RGS7: variants seen among roughly 807,000 people sequenced by gnomAD.
RGS7 encodes regulator of G-protein signaling 7.
RGS7 carries 27 observed loss-of-function variants against 81.1 expected under a neutral mutation model. The observed-to-expected ratio is 0.33, with a 90% confidence interval of 0.25 to 0.46. RGS7 has a LOEUF of 0.46. Ranked by LOEUF, RGS7 falls within the 20% of genes least tolerant of loss-of-function variation. The pLI is 1.00. For missense variants in RGS7, 396 were observed against 607.4 expected, an observed-to-expected ratio of 0.65 and a Z score of 3.66; for synonymous variants, 208 against 207.7, an observed-to-expected ratio of 1.00 and a Z score of -0.01.
chr1:240,856,892 T>C (rs530222590), intron 9 of RGS7, among the ~76,000 whole-genome samples: 1 of 152,292 alleles, frequency 6.6e-6, no homozygotes, highest in African/African-American at 2.4e-5. Context: ...TCTTTTTAAA[T>C]CACATTGATC....
At chr1:241,236,918 TC>T (rs1277310101) in intron 2 of RGS7, among the ~76,000 whole-genome samples, 1 of 152,178 alleles carries the variant, frequency 6.6e-6, no homozygotes, top group African/African-American at 2.4e-5. Context: ...AGTAAAGCAA[TC>T]TTCTTTCTTC....
intron 9 of RGS7, among the ~76,000 whole-genome samples, chr1:240,852,936 A>G (rs1660373631): frequency 6.6e-6 from 1 of 152,240 alleles, no homozygotes; most frequent in Admixed American, 6.5e-5. Context: ...CTGGATCACA[A>G]CCAACATTGT....
At chr1:240,941,815 C>T (rs1236958662) in intron 4 of RGS7, among the ~76,000 whole-genome samples, 3 of 151,186 alleles carry the variant, frequency 2.0e-5, no homozygotes, top group African/African-American at 2.4e-5. Context: ...AATCTTGGAA[C>T]AAAGTGTTGA....
intron 5 of RGS7, among the ~76,000 whole-genome samples, chr1:240,933,100 T>A (rs909438446): frequency 8.0e-5 from 12 of 150,018 alleles, no homozygotes; most frequent in African/African-American, 1.5e-4. Flanking sequence ...GCCAGGATGG[T>A]CTCCATCTCC....
chr1:241,039,175 A>G (rs550687311), intron 3 of RGS7, among the ~76,000 whole-genome samples: 10 of 152,180 alleles, frequency 6.6e-5, no homozygotes, highest in Admixed American at 6.5e-4. Flanking sequence ...GCCCAGCAAG[A>G]ATCTGTAGTT....
At chr1:241,262,160 C>T (rs753537426) in intron 2 of RGS7, among the ~76,000 whole-genome samples, 46 of 152,218 alleles carry the variant, frequency 3.0e-4, no homozygotes, top group East Asian at 3.9e-4. Context: ...AAGGTCTTGG[C>T]GATTCACAGT....
Position 240,822,018 on chromosome 1 carries a change from T to C in RGS7, c.684+5080A>G, listed in dbSNP as rs140160415. On this transcript the variant is annotated intron_variant, in intron 10 of 18. Coordinates refer to ENST00000440928, the MANE Select transcript of RGS7 (RefSeq NM_001364886.1). ...TTGTGTCAACTTGGCTGGCTCATAG[T>C]ACTCAGATATGTGGACAAACATTAC... Among the ~76,000 whole-genome samples the C allele has an allele frequency of 2.3e-3, 356 of 152,318 alleles. 4 individuals carry two copies. The highest frequency in any genetic ancestry group is 6.0e-3 in the Admixed American group (92 of 15,298).
intron 9 of RGS7, among the ~76,000 whole-genome samples, chr1:240,837,328 C>G (rs184751283): frequency 6.6e-6 from 1 of 152,184 alleles, no homozygotes; most frequent in African/African-American, 2.4e-5. Context: ...TATTTCCCTA[C>G]AAAAAGCTGG....
intron 4 of RGS7, among the ~76,000 whole-genome samples, chr1:240,945,112 C>G (rs1372362746): frequency 6.6e-6 from 1 of 152,220 alleles, no homozygotes; most frequent in Non-Finnish European, 1.5e-5. Context: ...AAAACACTAG[C>G]TAGAAGTTGT....
At chr1:240,963,356 G>A (rs1044726474) in intron 4 of RGS7, among the ~76,000 whole-genome samples, 2 of 152,120 alleles carry the variant, frequency 1.3e-5, no homozygotes, top group Non-Finnish European at 2.9e-5. Context: ...TACCAACAAT[G>A]GGCAAAATAA....
At chr1:240,932,925 C>A (rs563770474) in intron 5 of RGS7, among the ~76,000 whole-genome samples, 8 of 137,932 alleles carry the variant, frequency 5.8e-5, no homozygotes, top group Non-Finnish European at 1.1e-4. Flanking sequence ...GCTCTGTCGC[C>A]CAGGCTGGAC....
At chr1:241,329,488 T>C (rs1375365636) in intron 2 of RGS7, among the ~76,000 whole-genome samples, 4 of 152,118 alleles carry the variant, frequency 2.6e-5, no homozygotes, top group Non-Finnish European at 5.9e-5. Context: ...AATATTAATA[T>C]TGATGGTAAT....
intron 2 of RGS7, among the ~76,000 whole-genome samples, chr1:241,172,569 A>C (rs1353562876): frequency 6.6e-6 from 1 of 152,324 alleles, no homozygotes; most frequent in Admixed American, 6.5e-5. Context: ...AATTGGCCTC[A>C]CATTAGAAAG....
At chr1:240,860,095 G>T (rs1276213099) in intron 9 of RGS7, among the ~76,000 whole-genome samples, 1 of 152,092 alleles carries the variant, frequency 6.6e-6, no homozygotes, top group Non-Finnish European at 1.5e-5. Context: ...AATTTGTTAA[G>T]GTGTGTTTTT....
At chr1:241,154,793 C>A (rs543597149) in intron 2 of RGS7, among the ~76,000 whole-genome samples, 41 of 152,276 alleles carry the variant, frequency 2.7e-4, no homozygotes, top group Middle Eastern at 3.4e-3. Context: ...GGGTCACTGG[C>A]TGACTTTCAC....
intron 14 of RGS7, among the ~76,000 whole-genome samples, chr1:240,810,534 C>A (rs186363912): frequency 6.6e-6 from 1 of 151,306 alleles, no homozygotes; most frequent in African/African-American, 2.4e-5. Flanking sequence ...GCAACCTCCA[C>A]CTCCTGGGTT....
At chr1:241,084,451 C>T (rs2063319142) in intron 3 of RGS7, among the ~76,000 whole-genome samples, 1 of 152,098 alleles carries the variant, frequency 6.6e-6, no homozygotes, top group Admixed American at 6.5e-5. Flanking sequence ...CAATTGAAGT[C>T]AACATGTCAC....
intron 2 of RGS7, among the ~76,000 whole-genome samples, chr1:241,128,113 T>C (rs4504878): frequency 1 from 151,800 of 151,944 alleles, 75,828 homozygotes; most frequent in Middle Eastern, 1. Flanking sequence ...CCCGTCTCCA[T>C]TAAAAATACA....
At chr1:240,780,097 AT>A (rs1683712054) in intron 18 of RGS7, among the ~76,000 whole-genome samples, 2 of 152,200 alleles carry the variant, frequency 1.3e-5, no homozygotes, top group African/African-American at 4.8e-5. Flanking sequence ...TATGAATAGA[AT>A]TGTATACACA....
Sources: gnomAD v4.1 joint callset for allele counts (sites outside exome capture counted in the v4.1 genomes callset) on GRCh38, gnomAD v4.1.1 for gene constraint, MANE v1.5 for transcripts, NCBI Gene and HGNC (gene_info 2026-07-23, HGNC 2026-07-21) for gene names.